Variants in CUL2 observed in about 807,000 individuals in gnomAD.
CUL2 encodes the protein cullin-2.
CUL2 carries 22 observed loss-of-function variants against 110.2 expected under a neutral mutation model. The ratio of observed to expected loss-of-function variants is 0.20; its 90% CI spans 0.14 to 0.28. The LOEUF (loss-of-function observed/expected upper bound fraction) is 0.28. CUL2 is among the 10% of genes least tolerant of loss of function. The pLI is 1.00. For missense variants in CUL2, 631 were observed against 905.5 expected, an observed-to-expected ratio of 0.70 and a Z score of 3.89; for synonymous variants, 279 against 293.2, an observed-to-expected ratio of 0.95 and a Z score of 0.49.
chr10:35,107,873 C>G (rs1240857221), intron 1 of CUL2, among the ~76,000 whole-genome samples: 4 of 91,052 alleles, frequency 4.4e-5, no homozygotes, highest in Non-Finnish European at 7.6e-5. Flanking sequence ...CAGAGCGAGA[C>G]TCCATCTCAA....
chr10:35,037,045 G>C (rs1293256424), intron 9 of CUL2, among the ~76,000 whole-genome samples: 1 of 152,032 alleles, frequency 6.6e-6, no homozygotes, highest in Non-Finnish European at 1.5e-5. Flanking sequence ...TGGATCAATC[G>C]TTCCTTTGTG....
At chr10:35,088,470 C>T (rs574006438) in intron 1 of CUL2, among the ~76,000 whole-genome samples, 4 of 127,228 alleles carry the variant, frequency 3.1e-5, no homozygotes. Flanking sequence ...CACCGCACTT[C>T]AGCCTGGTGA....
chr10:35,033,148 T>C lies in CUL2; in HGVS notation c.1110+18A>G, dbSNP rs202014147. ...GAGTTTTATGTACATATATAGTATA[T>C]ATGTATTTAAAACTTACCTTATCCA... On this transcript the variant is annotated intron_variant, in intron 11 of 20. Coordinates refer to ENST00000374749, the MANE Select transcript of CUL2 (RefSeq NM_003591.4). 16 of 1,482,630 alleles carry C rather than the reference T, an allele frequency of 1.1e-5. No individual in the cohort carries two copies. Among genetic ancestry groups the C allele is most frequent in the South Asian group, 2.3e-5 (2 of 88,204 alleles). 91.8% of individuals were successfully genotyped at this position (1,482,630 alleles called of 1,614,324 possible). A position where few individuals can be genotyped will look rare whatever the true frequency, so the allele number is the denominator to read the frequency against.
At position 35,016,947 on chromosome 10, in the gene CUL2, A is replaced by C. The variant is rs539437051; in HGVS notation, c.1685-553T>G. 1.6e-4 allele frequency among the ~76,000 whole-genome samples: 24 copies of C among 151,844 alleles called. No homozygotes were observed. In the South Asian group the frequency reaches 4.4e-3, roughly 28 times the overall value. On this transcript the variant is annotated intron_variant, in intron 17 of 20. Transcript: ENST00000374749. Reference sequence around the variant, plus strand: ...GTCTCAAAAAAAAAAAAAAAACAAAAAAAAAAGTCTTTAAATATTAATAGA... The same window carrying C: ...GTCTCAAAAAAAAAAAAAAAACAAACAAAAAAGTCTTTAAATATTAATAGA...
intron 1 of CUL2, among the ~76,000 whole-genome samples, chr10:35,103,314 T>TTA (rs2087409311): frequency 3.8e-5 from 4 of 105,136 alleles, no homozygotes; most frequent in African/African-American, 1.7e-4. Context: ...GCTAATTTTT[T>TTA]TTTTTTTTTT....
At chr10:35,014,433 T>C (rs1238377229) in intron 18 of CUL2, among the ~76,000 whole-genome samples, 2 of 152,222 alleles carry the variant, frequency 1.3e-5, no homozygotes, top group South Asian at 4.1e-4. Context: ...GCCACTGATA[T>C]CATAGAGTGG....
At chr10:35,042,101 T>C (rs1473133859) in intron 8 of CUL2, among the ~76,000 whole-genome samples, 2 of 152,170 alleles carry the variant, frequency 1.3e-5, no homozygotes, top group Admixed American at 6.5e-5. Context: ...ATCACCCCCA[T>C]TGTCTACTTC....
intron 6 of CUL2, among the ~76,000 whole-genome samples, chr10:35,046,534 T>C (rs994240862): frequency 1.3e-5 from 2 of 152,182 alleles, no homozygotes; most frequent in Non-Finnish European, 2.9e-5. Flanking sequence ...GAGTTCATCC[T>C]GGTAAAGTTT....
At chr10:35,080,246 A>T (rs532602091) in intron 1 of CUL2, among the ~76,000 whole-genome samples, 11 of 152,176 alleles carry the variant, frequency 7.2e-5, no homozygotes, top group Middle Eastern at 3.4e-3. Flanking sequence ...AAGCTCCAAG[A>T]ATGCATCTAA....
At chr10:35,017,040 G>A (rs1415907348) in intron 17 of CUL2, among the ~76,000 whole-genome samples, 2 of 151,976 alleles carry the variant, frequency 1.3e-5, no homozygotes, top group Non-Finnish European at 2.9e-5. Context: ...GTGGGAGAAG[G>A]AGAAATGGAC....
In CUL2 at chr10:35,054,460, T is replaced by G. The variant is rs1161682312; in HGVS notation, c.397A>C (p.Asn133His). The G allele has an allele frequency of 2.5e-6, 4 of 1,587,040 alleles. No individual in the cohort carries two copies. Among genetic ancestry groups the G allele is most frequent in the Non-Finnish European group, 3.4e-6 (4 of 1,166,682 alleles). Residue 133 changes from asparagine to histidine, a missense_variant, in exon 5 of 21, where the codon AAT (asparagine) becomes CAT (histidine). Around this residue, in one of 3 missense-constraint regions of CUL2, gnomAD observed 338 missense variants for 442.5 expected, o/e 0.76. Transcript: ENST00000374749. ...LQYGYGGVDM[N>H]EPLMEIGELA... The stretch of plus-strand genomic sequence containing the variant: ...TCTCCTATTTCCATAAGTGGTTCAT[T>G]CATATCTACACCACCATAGCCATAC...
At chr10:35,010,621 C>T (rs143899262) in intron 20 of CUL2, among the ~76,000 whole-genome samples, 179 bp from the exon 21 acceptor site, 2 of 152,256 alleles carry the variant, frequency 1.3e-5, no homozygotes, top group East Asian at 3.9e-4. Flanking sequence ...AATAATGATA[C>T]ATAATTAAGT....
chr10:35,035,916 A>G (rs769872680), intron 9 of CUL2, among the ~76,000 whole-genome samples: 1 of 152,254 alleles, frequency 6.6e-6, no homozygotes, highest in African/African-American at 2.4e-5. Flanking sequence ...TGGGAGGTGA[A>G]TAATGATCTC....
chr10:35,012,494 G>A (rs191744196), intron 19 of CUL2, among the ~76,000 whole-genome samples: 138 of 152,170 alleles, frequency 9.1e-4, no homozygotes, highest in African/African-American at 3.0e-3. Context: ...GAAGAGCTGT[G>A]AAGTGGCATT....
At chr10:35,069,025 C>T (rs770943401) in intron 2 of CUL2, among the ~76,000 whole-genome samples, 3 of 152,154 alleles carry the variant, frequency 2.0e-5, no homozygotes, top group Admixed American at 6.5e-5. Context: ...CCCACAACCA[C>T]GCCCAGCTAA....
chr10:35,010,787 G>T (rs3780889), intron 20 of CUL2, among the ~76,000 whole-genome samples: 20,615 of 151,992 alleles, frequency 0.14, 1,589 homozygotes, highest in South Asian at 0.2. Context: ...TACTGTATAC[G>T]TTTCCTTCAG....
Position 35,008,920 on chromosome 10 carries a change from A to T in CUL2, c.*1391T>A, listed in dbSNP as rs2084826030. Reference sequence around the variant, plus strand: ...AATAATTTGTGTGATTTGCTTTAAAATATTCCGATTTTAAAAATTTTGTGT... The same window carrying T: ...AATAATTTGTGTGATTTGCTTTAAATTATTCCGATTTTAAAAATTTTGTGT... On this transcript the variant is annotated 3_prime_UTR_variant, in exon 21 of 21. Transcript: ENST00000374749. 6.6e-6 allele frequency: 1 copy of T among 152,072 alleles called. No homozygotes were observed. The highest frequency in any genetic ancestry group is 2.4e-5 in the African/African-American group (1 of 41,434). 9.4% of individuals were successfully genotyped at this position (152,072 alleles called of 1,614,324 possible).
chr10:35,025,903 A>T (rs559085449), intron 16 of CUL2, among the ~76,000 whole-genome samples: 1 of 152,302 alleles, frequency 6.6e-6, no homozygotes, highest in South Asian at 2.1e-4. Flanking sequence ...CCAGTTCAGA[A>T]TTCTGAATAA....
intron 1 of CUL2, among the ~76,000 whole-genome samples, chr10:35,101,607 A>C (rs12767868): frequency 0.14 from 20,594 of 152,204 alleles, 1,582 homozygotes; most frequent in South Asian, 0.2. Flanking sequence ...GAAGAGTTAC[A>C]AGTGGGATGC....
Sources: allele counts gnomAD v4.1 joint callset (sites outside exome capture counted in the v4.1 genomes callset), GRCh38; gene constraint gnomAD v4.1.1; regional missense constraint gnomAD v4.1.1; transcripts MANE v1.5; gene names NCBI Gene and HGNC (gene_info 2026-07-23, HGNC 2026-07-21).